The following PALM2AKAP2 variants were observed in gnomAD, a reference collection of about 807,000 sequenced individuals.
PALM2AKAP2 encodes PALM2 and AKAP2 fusion.
In PALM2AKAP2, 37 loss-of-function variants were observed where a neutral mutation model predicts 71.5. The ratio of observed to expected loss-of-function variants is 0.52; its 90% CI spans 0.40 to 0.68. The LOEUF is 0.68. Ranked by LOEUF, PALM2AKAP2 falls within the 30% of genes least tolerant of loss-of-function variation. PALM2AKAP2 has a pLI of 0.00. For missense variants in PALM2AKAP2, 1,224 were observed against 1,191.8 expected, an observed-to-expected ratio of 1.03 and a Z score of -0.40; for synonymous variants, 468 against 478.8, an observed-to-expected ratio of 0.98 and a Z score of 0.29.
At chr9:110,010,707 A>G (rs953662880) in intron 6 of PALM2AKAP2, among the ~76,000 whole-genome samples, 6 of 148,712 alleles carry the variant, frequency 4.0e-5, no homozygotes, top group Admixed American at 2.0e-4. Flanking sequence ...TATAGAATGT[A>G]TATACTTTTG....
intron 3 of PALM2AKAP2, among the ~76,000 whole-genome samples, chr9:109,921,428 T>C (rs1316553017): frequency 2.0e-5 from 3 of 152,200 alleles, no homozygotes; most frequent in African/African-American, 7.2e-5. Flanking sequence ...TCCCACCCCC[T>C]TGAGCTTTGG....
rs1345623410 is a variant in PALM2AKAP2, at chr9:109,880,611, G to C, written c.187G>C (p.Glu63Gln). Residue 63 changes from glutamate to glutamine, a missense_variant, in exon 3 of 10, where the codon GAG becomes CAG. By Grantham distance (29) the Glu-to-Gln change is conservative. Coordinates refer to the PALM2AKAP2 transcript ENST00000302798. ...CATACCCGCTGGAACTGCCGAAGAG[G>C]AGGAAGCCAGGAGGCGGCAGTCTGA... The C allele has an allele frequency of 5.6e-6, 9 of 1,613,798 alleles. No homozygotes were observed. The highest frequency in any genetic ancestry group is 7.6e-6 in the Non-Finnish European group (9 of 1,180,004).
intron 3 of PALM2AKAP2, among the ~76,000 whole-genome samples, chr9:110,166,773 C>T (rs1587884770): frequency 1.3e-5 from 2 of 152,098 alleles, no homozygotes; most frequent in South Asian, 4.2e-4. Context: ...TGCAGAGAAG[C>T]AGGTTGAGAT....
intron 7 of PALM2AKAP2, among the ~76,000 whole-genome samples, chr9:110,034,383 C>T (rs541040598): frequency 6.6e-6 from 1 of 152,190 alleles, no homozygotes; most frequent in East Asian, 1.9e-4. Context: ...GCCTCAAACT[C>T]CCGACCTCAG....
At chr9:109,793,538 G>A (rs1361751929) in intron 1 of PALM2AKAP2, among the ~76,000 whole-genome samples, 1 of 152,130 alleles carries the variant, frequency 6.6e-6, no homozygotes, top group Admixed American at 6.5e-5. Flanking sequence ...TATTTGTCTT[G>A]TTTGTTTGTT....
intron 1 of PALM2AKAP2, among the ~76,000 whole-genome samples, chr9:109,815,648 A>C (rs868680970): frequency 2.0e-4 from 31 of 152,246 alleles, no homozygotes; most frequent in African/African-American, 6.3e-4. Context: ...TCCATTGAAC[A>C]TACCAACTAG....
chr9:110,005,582 G>C (rs1832762301), intron 6 of PALM2AKAP2, among the ~76,000 whole-genome samples: 1 of 152,228 alleles, frequency 6.6e-6, no homozygotes, highest in African/African-American at 2.4e-5. Context: ...AGTCTGCAGA[G>C]GTTTCTGCTG....
At chr9:109,642,453 G>A (rs1362574023) in intron 1 of PALM2AKAP2, among the ~76,000 whole-genome samples, 1 of 145,920 alleles carries the variant, frequency 6.9e-6, no homozygotes, top group Non-Finnish European at 1.5e-5. Flanking sequence ...TGGTGCAACA[G>A]TAATTGCAGT....
chr9:110,142,296 C>T (rs1836054717), intron 2 of PALM2AKAP2, among the ~76,000 whole-genome samples: 1 of 151,970 alleles, frequency 6.6e-6, no homozygotes, highest in African/African-American at 2.4e-5. Context: ...ATCATGTTGG[C>T]CAGGCTGGTC....
chr9:110,136,031 A>G, intron 1 of PALM2AKAP2, 96 bp from the exon 8 acceptor site: 1 of 1,436,568 alleles, frequency 7.0e-7, no homozygotes, highest in Non-Finnish European at 9.2e-7. Flanking sequence ...TGTGGTTTCC[A>G]TTTTCCTTCC....
At chr9:110,168,840 G>A (rs897465119) in exon 4 of PALM2AKAP2, 3 of 237,996 alleles carry the variant, frequency 1.3e-5, no homozygotes, top group Middle Eastern at 2.9e-3. Context: ...CTCTCTGGGC[G>A]ATGAAGGACA....
At chr9:110,078,370 T>C (rs922707294) in intron 1 of PALM2AKAP2, among the ~76,000 whole-genome samples, 3 of 152,236 alleles carry the variant, frequency 2.0e-5, no homozygotes, top group Non-Finnish European at 4.4e-5. Context: ...CACTGTTTGC[T>C]GAATACAGGA....
exon 4 of PALM2AKAP2, chr9:110,170,549 C>T (rs540670874): frequency 6.6e-6 from 1 of 152,332 alleles, no homozygotes; most frequent in Non-Finnish European, 1.5e-5. Flanking sequence ...CCACATCCTA[C>T]AGATGGCAGC....
chr9:110,035,205 G>C (rs1220635128), intron 7 of PALM2AKAP2, among the ~76,000 whole-genome samples: 1 of 143,426 alleles, frequency 7.0e-6, no homozygotes, highest in East Asian at 2.0e-4. Flanking sequence ...ATGTGTGTGT[G>C]TGTGTATATA....
At chr9:110,162,061 T>C (rs1836613807) in intron 3 of PALM2AKAP2, 33 bp from the exon 10 acceptor site, 1 of 1,613,160 alleles carries the variant, frequency 6.2e-7, no homozygotes, top group African/African-American at 1.3e-5. Flanking sequence ...GTCACTGCCA[T>C]GTACTAACCC....
intron 1 of PALM2AKAP2, among the ~76,000 whole-genome samples, chr9:110,080,069 CAAAAAAAA>C (rs147710381): frequency 1.7e-4 from 13 of 75,564 alleles, no homozygotes; most frequent in East Asian, 1.2e-3. Context: ...GACTCTGTCT[CAAAAAAAA>C]AAAAAAAAAA....
intron 1 of PALM2AKAP2, among the ~76,000 whole-genome samples, chr9:109,844,384 C>T (rs967356078): frequency 2.6e-5 from 4 of 152,158 alleles, no homozygotes; most frequent in African/African-American, 9.7e-5. Context: ...AAATGCAATG[C>T]AGGACTCTGG....
At chr9:110,095,388 C>G (rs1359019712) in intron 1 of PALM2AKAP2, among the ~76,000 whole-genome samples, 6 of 152,140 alleles carry the variant, frequency 3.9e-5, no homozygotes, top group African/African-American at 9.7e-5. Flanking sequence ...TTTGCACAAT[C>G]TTGCTAGCTT....
intron 1 of PALM2AKAP2, among the ~76,000 whole-genome samples, chr9:110,078,944 C>T (rs1454001140): frequency 6.6e-6 from 1 of 152,196 alleles, no homozygotes; most frequent in Non-Finnish European, 1.5e-5. Flanking sequence ...ATAGCAACTG[C>T]TTATGACAAC....
Sources: allele counts gnomAD v4.1 joint callset (sites outside exome capture counted in the v4.1 genomes callset), GRCh38; gene constraint gnomAD v4.1.1; transcripts MANE v1.5; gene names NCBI Gene and HGNC (gene_info 2026-07-23, HGNC 2026-07-21).